Variants in PTGER3 observed in about 807,000 individuals in gnomAD.
PTGER3 encodes prostaglandin E2 receptor EP3 subtype.
Under a neutral mutation model 34.7 loss-of-function variants are expected in PTGER3, and 22 were observed. The ratio of observed to expected loss-of-function variants is 0.63; its 90% CI spans 0.45 to 0.91. The LOEUF (loss-of-function observed/expected upper bound fraction) is 0.91. PTGER3 is among the 40% of genes least tolerant of loss of function. The pLI is 0.00. For missense variants in PTGER3, 468 were observed against 519.4 expected (o/e 0.90, Z 0.96); for synonymous variants, 241 against 230.1 (o/e 1.05, Z -0.43).
At chr1:70,964,206 C>A (rs1302659129) in intron 2 of PTGER3, among the ~76,000 whole-genome samples, 3 of 152,176 alleles carry the variant, frequency 2.0e-5, no homozygotes, top group Non-Finnish European at 4.4e-5. Flanking sequence ...CCCTCCAATT[C>A]TCTAGGAAGT....
intron 2 of PTGER3, chr1:71,006,660 C>G (rs546756736): frequency 1.0e-6 from 1 of 981,834 alleles, no homozygotes; most frequent in South Asian, 4.7e-5. Context: ...TATATTAAAT[C>G]AACAATAATT....
intron 4 of PTGER3, chr1:70,883,917 G>A: frequency 8.6e-6 from 2 of 233,624 alleles, no homozygotes; most frequent in South Asian, 8.0e-5. Context: ...GCAAAAATTA[G>A]CCAGGCTTGT....
At chr1:70,974,906 TC>T (rs1280671715) in intron 2 of PTGER3, among the ~76,000 whole-genome samples, 7 of 152,156 alleles carry the variant, frequency 4.6e-5, no homozygotes, top group African/African-American at 1.7e-4. Context: ...TCTTCATACC[TC>T]AGGGCCTTTG....
In PTGER3 at chr1:70,961,729, G is replaced by A. The variant is rs144068305; in HGVS notation, c.1078-7940C>T. Among the ~76,000 whole-genome samples the A allele has an allele frequency of 2.0e-3, 300 of 152,232 alleles. 1 individual carries two copies. Among genetic ancestry groups the A allele is most frequent in the African/African-American group, 6.7e-3 (279 of 41,526 alleles). On this transcript the variant is annotated intron_variant, in intron 2 of 3. Transcript: ENST00000356595. ...TTTCAAAAGCACTTTCTCTTTATTT[G>A]GCAGGAATATTCTTGCTGGCACTTG... is the stretch of plus-strand genomic sequence containing the variant.
chr1:70,951,889 T>C (rs973845494), downstream of PTGER3, among the ~76,000 whole-genome samples: 5 of 152,068 alleles, frequency 3.3e-5, no homozygotes, highest in African/African-American at 9.7e-5. Flanking sequence ...TGAGCTGAGA[T>C]AGTAAATAAT....
chr1:70,897,821 G>A (rs1312691886), intron 4 of PTGER3, among the ~76,000 whole-genome samples: 1 of 152,136 alleles, frequency 6.6e-6, no homozygotes. Context: ...GAGATGCTGT[G>A]CTGTTATTGA....
chr1:70,892,837 C>CAA (rs1176220550), intron 4 of PTGER3, among the ~76,000 whole-genome samples: 754 of 47,822 alleles, frequency 0.016, 14 homozygotes, highest in African/African-American at 0.043. Flanking sequence ...CAAGACTCCT[C>CAA]AAAAAAAAAA....
intron 2 of PTGER3, among the ~76,000 whole-genome samples, chr1:71,003,992 G>A (rs936572477): frequency 3.9e-5 from 6 of 152,142 alleles, no homozygotes; most frequent in Admixed American, 1.3e-4. Flanking sequence ...CAGAAGGGTC[G>A]TTGATCCTAA....
At chr1:71,039,701 G>T (rs1462579520) in intron 1 of PTGER3, among the ~76,000 whole-genome samples, 1 of 150,740 alleles carries the variant, frequency 6.6e-6, no homozygotes, top group Non-Finnish European at 1.5e-5. Flanking sequence ...AGGCACAGTT[G>T]GTTTACCATT....
intron 1 of PTGER3, among the ~76,000 whole-genome samples, chr1:71,043,080 G>A (rs1660454725): frequency 6.6e-6 from 1 of 152,124 alleles, no homozygotes; most frequent in Admixed American, 6.5e-5. Flanking sequence ...AGCTTCCTTT[G>A]AACAAAATCC....
intron 4 of PTGER3, among the ~76,000 whole-genome samples, chr1:70,935,964 T>C (rs1557667793): frequency 6.6e-6 from 1 of 152,274 alleles, no homozygotes; most frequent in East Asian, 1.9e-4. Flanking sequence ...AAGTTCAGCA[T>C]GGTTAGGACT....
intron 4 of PTGER3, among the ~76,000 whole-genome samples, chr1:70,912,250 C>A (rs1247063245): frequency 6.6e-6 from 1 of 151,916 alleles, no homozygotes; most frequent in African/African-American, 2.4e-5. Flanking sequence ...TCATTTTCTC[C>A]TCAATCTAAA....
intron 2 of PTGER3, chr1:71,007,056 G>C: frequency 1.0e-6 from 1 of 984,972 alleles, no homozygotes; most frequent in Non-Finnish European, 1.2e-6. Context: ...ATACACTGAC[G>C]ATAACTACCC....
At chr1:70,965,219 G>A (rs1296184766) in intron 2 of PTGER3, among the ~76,000 whole-genome samples, 1 of 152,130 alleles carries the variant, frequency 6.6e-6, no homozygotes, top group Non-Finnish European at 1.5e-5. Flanking sequence ...ACTAAGTTTA[G>A]TTGGTTTAAC....
intron 4 of PTGER3, among the ~76,000 whole-genome samples, chr1:70,920,040 T>A (rs1332804246): frequency 6.6e-6 from 1 of 152,176 alleles, no homozygotes; most frequent in African/African-American, 2.4e-5. Flanking sequence ...CTTTTGCAAA[T>A]ACTCTGTTGA....
chr1:71,011,935 A>C, intron 2 of PTGER3: 1 of 1,228,202 alleles, frequency 8.1e-7, no homozygotes, highest in Non-Finnish European at 1.0e-6. Context: ...GACCAAGATC[A>C]TTTATAAAAA....
chr1:70,914,783 T>G (rs1407156631), intron 4 of PTGER3, among the ~76,000 whole-genome samples: 1 of 151,954 alleles, frequency 6.6e-6, no homozygotes, highest in Non-Finnish European at 1.5e-5. Flanking sequence ...TTATATCAAG[T>G]AGATGGGACT....
chr1:70,945,030 G>A (rs1284493080), intron 4 of PTGER3, among the ~76,000 whole-genome samples: 1 of 152,116 alleles, frequency 6.6e-6, no homozygotes. Flanking sequence ...ACTGTAATCT[G>A]TTGGGGAGCT....
chr1:70,902,636 G>A (rs1245443536), intron 4 of PTGER3, among the ~76,000 whole-genome samples: 1 of 150,710 alleles, frequency 6.6e-6, no homozygotes, highest in African/African-American at 2.5e-5. Context: ...GTGGAAAACA[G>A]TGTTGAGTTC....
Sources: allele counts gnomAD v4.1 joint callset (sites outside exome capture counted in the v4.1 genomes callset), GRCh38; gene constraint gnomAD v4.1.1; transcripts MANE v1.5; gene names NCBI Gene and HGNC (gene_info 2026-07-23, HGNC 2026-07-21).